The following ELL variants were observed in gnomAD, a reference collection of about 807,000 sequenced individuals.
ELL encodes the protein RNA polymerase II elongation factor ELL.
In ELL, 18 loss-of-function variants were observed where a neutral mutation model predicts 64.0. That is an observed-to-expected ratio of 0.28 (90% CI 0.19 to 0.42). The LOEUF (loss-of-function observed/expected upper bound fraction) is 0.42, where lower values mean the gene tolerates loss of function less well. Among genes scored for constraint, ELL ranks in the 10% least tolerant of loss-of-function variants. ELL has a pLI of 1.00. For missense variants in ELL, 797 were observed against 870.4 expected, an observed-to-expected ratio of 0.92 and a Z score of 1.06; for synonymous variants, 399 against 376.2, an observed-to-expected ratio of 1.06 and a Z score of -0.70.
intron 1 of ELL, among the ~76,000 whole-genome samples, chr19:18,505,822 G>A (rs536664564): frequency 1.3e-5 from 2 of 152,302 alleles, no homozygotes. Context: ...AATGTGAGTT[G>A]CAGGAGGGGC....
chr19:18,507,897 A>C (rs1975919958), intron 1 of ELL, among the ~76,000 whole-genome samples: 1 of 152,166 alleles, frequency 6.6e-6, no homozygotes, highest in Non-Finnish European at 1.5e-5. Context: ...CCATCCCCAG[A>C]GATGAGGATG....
intron 5 of ELL, among the ~76,000 whole-genome samples, chr19:18,459,350 T>A (rs774427238): frequency 5.9e-5 from 9 of 152,206 alleles, no homozygotes; most frequent in Admixed American, 2.0e-4. Flanking sequence ...AAAGATGGAT[T>A]CAGAACGTCT....
chr19:18,454,777 G>A (rs1245061202), intron 6 of ELL, among the ~76,000 whole-genome samples: 1 of 143,520 alleles, frequency 7.0e-6, no homozygotes, highest in East Asian at 2.1e-4. Flanking sequence ...GGAGGCAGAT[G>A]TTGCAGTGAG....
Position 18,473,288 on chromosome 19 carries a change from T to A in ELL, c.136-406A>T, listed in dbSNP as rs539759601. 165 of 482,054 alleles carry A rather than the reference T, an allele frequency of 3.4e-4. 1 individual carries two copies. Among genetic ancestry groups the A allele is most frequent in the Admixed American group, 1.3e-3 (57 of 42,400 alleles). 29.9% of individuals were successfully genotyped at this position (482,054 alleles called of 1,614,324 possible). On this transcript the variant is annotated intron_variant, in intron 1 of 11. Transcript: ENST00000262809. Reference sequence around the variant, plus strand: ...AGGAAAAAGCAAAGACAGGTCAGGGTTGACCCTGGATCATGACTCTCCCAA... The same window carrying A: ...AGGAAAAAGCAAAGACAGGTCAGGGATGACCCTGGATCATGACTCTCCCAA...
chr19:18,489,327 C>A (rs1228487991), intron 1 of ELL, among the ~76,000 whole-genome samples: 2 of 152,214 alleles, frequency 1.3e-5, no homozygotes, highest in Non-Finnish European at 2.9e-5. Flanking sequence ...CCAGGTCAGA[C>A]AACCACTTGA....
chr19:18,456,527 T>C (rs1163509776), intron 6 of ELL, among the ~76,000 whole-genome samples: 4 of 152,038 alleles, frequency 2.6e-5, no homozygotes, highest in Non-Finnish European at 5.9e-5. Context: ...AGGAGGAGTA[T>C]ATAGACTCTG....
chr19:18,453,832 G>T (rs1974593360), intron 6 of ELL, among the ~76,000 whole-genome samples: 2 of 152,162 alleles, frequency 1.3e-5, no homozygotes, highest in African/African-American at 4.8e-5. Context: ...GCCTCCCAAA[G>T]TGCTGACATT....
chr19:18,457,715 C>A (rs185854738), intron 6 of ELL, among the ~76,000 whole-genome samples: 3 of 152,344 alleles, frequency 2.0e-5, no homozygotes, highest in Non-Finnish European at 4.4e-5. Context: ...ACTTCTGACC[C>A]TGGGTCCCAA....
chr19:18,506,646 G>GC (rs1975889770), intron 1 of ELL, among the ~76,000 whole-genome samples: 2 of 152,152 alleles, frequency 1.3e-5, no homozygotes, highest in Admixed American at 6.5e-5. Context: ...GATCACTTGA[G>GC]CCCGGGAGCC....
chr19:18,445,902 G>A (rs1974404229), intron 10 of ELL, among the ~76,000 whole-genome samples: 1 of 152,112 alleles, frequency 6.6e-6, no homozygotes, highest in Non-Finnish European at 1.5e-5. Context: ...AGTTGTGGCA[G>A]CATGGATGGG....
intron 1 of ELL, among the ~76,000 whole-genome samples, chr19:18,508,292 C>T (rs893653393): frequency 1.6e-4 from 25 of 152,158 alleles, no homozygotes; most frequent in African/African-American, 6.0e-4. Flanking sequence ...CTGGACAGCA[C>T]AGCAAGACCC....
At position 18,465,429 on chromosome 19, in the gene ELL, G is replaced by C; in HGVS notation, c.452C>G (p.Ala151Gly). 1 of 1,605,324 alleles carries C rather than the reference G, an allele frequency of 6.2e-7. No individual in the cohort carries two copies. The highest frequency in any genetic ancestry group is 8.5e-7 in the Non-Finnish European group (1 of 1,173,788). Reference sequence around the variant, plus strand: ...CTGCTCACCCAGGTAGCGGCCTCCAGCCTTGATGACAATGGCACTTCGGCT... The same window carrying C: ...CTGCTCACCCAGGTAGCGGCCTCCACCCTTGATGACAATGGCACTTCGGCT... ...TRSRSAIVIK[A>G]GGRYLGKKVQ... The change falls in exon 4 of 12, where the codon GCT becomes GGT. Residue 151 changes from alanine (A) to glycine (G), a missense_variant. Coordinates refer to ENST00000262809, the MANE Select transcript of ELL (RefSeq NM_006532.4).
At chr19:18,479,816 G>A (rs943114957) in intron 1 of ELL, among the ~76,000 whole-genome samples, 56 of 152,026 alleles carry the variant, frequency 3.7e-4, no homozygotes, top group African/African-American at 1.1e-3. Context: ...ACAGATGGAC[G>A]GGGCCCAATC....
Position 18,483,912 on chromosome 19 carries a change from C to T in ELL, c.136-11030G>A, listed in dbSNP as rs117137413. On this transcript the variant is annotated intron_variant, in intron 1 of 11. Coordinates refer to ENST00000262809, the MANE Select transcript of ELL (RefSeq NM_006532.4). Reference sequence around the variant, plus strand: ...CAGGCCTGCTTCCAGGACAGTGCATCTCAGAGCCATGCAACCCATGCCTGG... The same window carrying T: ...CAGGCCTGCTTCCAGGACAGTGCATTTCAGAGCCATGCAACCCATGCCTGG... 3.3e-5 allele frequency among the ~76,000 whole-genome samples: 5 copies of T among 152,340 alleles called. No homozygotes were observed. In the East Asian group the frequency reaches 9.7e-4, roughly 29 times the overall value.
Position 18,446,269 on chromosome 19 carries a change from C to T in ELL, c.1704+40G>A, listed in dbSNP as rs747539973. On this transcript the variant is annotated intron_variant, in intron 10 of 11. Transcript: ENST00000262809. Reference sequence around the variant, plus strand: ...GCGCGCCCAAGTGGGCCCTGGCTCCCGCCAGAGCCAGGGCACAGTAGGCAG... The same window carrying T: ...GCGCGCCCAAGTGGGCCCTGGCTCCTGCCAGAGCCAGGGCACAGTAGGCAG... 1.1e-5 allele frequency: 17 copies of T among 1,501,784 alleles called. No homozygotes were observed. The South Asian group carries it at 1.9e-4, about 17-fold the overall frequency. 93.0% of individuals were successfully genotyped at this position (1,501,784 alleles called of 1,614,324 possible). A position where few individuals can be genotyped will look rare whatever the true frequency, so the allele number is the denominator to read the frequency against.
intron 1 of ELL, among the ~76,000 whole-genome samples, chr19:18,512,587 C>CA (rs1280138315): frequency 2.6e-5 from 4 of 152,006 alleles, no homozygotes; most frequent in Admixed American, 2.0e-4. Context: ...TGCAATGAGC[C>CA]AAAACTAGGA....
chr19:18,470,883 C>G, intron 2 of ELL: 1 of 452,624 alleles, frequency 2.2e-6, no homozygotes, highest in Non-Finnish European at 4.4e-6. Context: ...CCACAGTCGT[C>G]TGAGCCCACT....
At chr19:18,517,254 T>C (rs1976149558) in intron 1 of ELL, among the ~76,000 whole-genome samples, 1 of 152,090 alleles carries the variant, frequency 6.6e-6, no homozygotes, top group Non-Finnish European at 1.5e-5. Context: ...TCACAACCCA[T>C]GAAGGTTTCG....
intron 2 of ELL, chr19:18,471,397 T>G (rs1975062537): frequency 2.3e-6 from 1 of 441,882 alleles, no homozygotes; most frequent in African/African-American, 2.0e-5. Flanking sequence ...AGGCTGGGCG[T>G]GGTGGCTCAC....
Sources: allele counts gnomAD v4.1 joint callset (sites outside exome capture counted in the v4.1 genomes callset), GRCh38; gene constraint gnomAD v4.1.1; transcripts MANE v1.5; gene names NCBI Gene and HGNC (gene_info 2026-07-23, HGNC 2026-07-21).